ATP6V0A4: variants seen among roughly 807,000 people sequenced by gnomAD.
The protein encoded by ATP6V0A4 is ATPase H+ transporting V0 subunit a4, also known as V-type proton ATPase 116 kDa subunit a 4.
ATP6V0A4 carries 86 observed loss-of-function variants against 107.3 expected under a neutral mutation model. That is an observed-to-expected ratio of 0.80 (90% CI 0.67 to 0.96). The LOEUF is 0.96. Ranked by LOEUF, ATP6V0A4 falls within the 40% of genes least tolerant of loss-of-function variation. ATP6V0A4 has a pLI of 0.00. For synonymous variants in ATP6V0A4, 353 were observed against 381.4 expected, an observed-to-expected ratio of 0.93 and a Z score of 0.87; for missense variants, 908 against 1,045.6, an observed-to-expected ratio of 0.87 and a Z score of 1.81.
At chr7:138,751,392 G>A (rs773576578) in intron 11 of ATP6V0A4, among the ~76,000 whole-genome samples, 4 of 152,188 alleles carry the variant, frequency 2.6e-5, no homozygotes, top group Admixed American at 6.5e-5. Context: ...TGTCAAGCCC[G>A]TCTGTCCAGT....
At chr7:138,745,618 A>G (rs997913957) in intron 13 of ATP6V0A4, among the ~76,000 whole-genome samples, 2 of 139,210 alleles carry the variant, frequency 1.4e-5, no homozygotes, top group African/African-American at 5.4e-5. Context: ...TGGAGGCTGC[A>G]GTGAGCCAAG....
intron 17 of ATP6V0A4, among the ~76,000 whole-genome samples, chr7:138,730,386 G>GTGTGTA (rs1194328965): frequency 1.3e-4 from 20 of 149,476 alleles, no homozygotes; most frequent in African/African-American, 2.0e-4. Context: ...GTGTGTGTGT[G>GTGTGTA]GCTATCCTTT....
intron 12 of ATP6V0A4, among the ~76,000 whole-genome samples, chr7:138,748,199 T>C (rs1287426078): frequency 2.0e-5 from 3 of 151,758 alleles, no homozygotes; most frequent in Non-Finnish European, 2.9e-5. Context: ...CTCTAGGTGC[T>C]TTCTATACTC....
intron 18 of ATP6V0A4, among the ~76,000 whole-genome samples, chr7:138,726,430 G>A (rs1804729703): frequency 6.6e-6 from 1 of 152,240 alleles, no homozygotes; most frequent in South Asian, 2.1e-4. Flanking sequence ...GCTCTCGGAA[G>A]GAGATGTGTA....
chr7:138,714,176 T>A (rs1165221087), intron 20 of ATP6V0A4, among the ~76,000 whole-genome samples: 33 of 148,074 alleles, frequency 2.2e-4, no homozygotes, highest in Non-Finnish European at 4.2e-4. Flanking sequence ...AGCCTGGGAG[T>A]TCGAGGCCGT....
intron 14 of ATP6V0A4, among the ~76,000 whole-genome samples, chr7:138,740,424 CTTTTT>C (rs1288644564): frequency 1.6e-5 from 2 of 128,976 alleles, no homozygotes; most frequent in African/African-American, 2.9e-5. Context: ...GAAGAAATTT[CTTTTT>C]TTTTTTTTTT....
chr7:138,760,662 C>T (rs1806766118), intron 7 of ATP6V0A4, among the ~76,000 whole-genome samples: 1 of 152,292 alleles, frequency 6.6e-6, no homozygotes, highest in South Asian at 2.1e-4. Context: ...GTGACTTTCA[C>T]TGGCTTATTA....
chr7:138,742,167 C>T (rs1431429642), intron 14 of ATP6V0A4, among the ~76,000 whole-genome samples: 1 of 152,144 alleles, frequency 6.6e-6, no homozygotes, highest in African/African-American at 2.4e-5. Flanking sequence ...TGGCTCACAC[C>T]TGTAATCCCA....
Position 138,734,180 on chromosome 7 carries a change from A to G in ATP6V0A4, c.1647T>C (p.Ile549=). The change falls in exon 16 of 22, where the codon ATT becomes ATC. Residue 549 remains isoleucine, a synonymous_variant. Coordinates refer to ENST00000310018, the MANE Select transcript of ATP6V0A4 (RefSeq NM_020632.3). ...YKMKMSVILG[I]VQMVFGVILS... ...GGATGACACCGAAAACCATCTGGAC[A>G]ATTCCCAGGATCACCGACATCTTCA... 1 of 1,613,804 alleles carries G rather than the reference A, an allele frequency of 6.2e-7. No individual in the cohort carries two copies. The highest frequency in any genetic ancestry group is 8.5e-7 in the Non-Finnish European group (1 of 1,179,778).
chr7:138,738,466 G>T (rs1351829783), intron 15 of ATP6V0A4, among the ~76,000 whole-genome samples: 1 of 152,176 alleles, frequency 6.6e-6, no homozygotes, highest in Non-Finnish European at 1.5e-5. Flanking sequence ...TCCCCGTCTA[G>T]ATTCCTTCTC....
rs2117343937 is a variant in ATP6V0A4 at position 138,773,641 on chromosome 7, A to G, written c.-17-2377T>C. ...CCCATGTATAGACCAGAGGATAAAC[A>G]TCATCCCTCAGGAAGTGCACATGGT... On this transcript the variant is annotated intron_variant, in intron 2 of 21. Transcript: ENST00000310018. This position sits in a 1 kb window ranked among gnomAD's most constrained non-coding sequence, Gnocchi z 5.4. Among the ~76,000 whole-genome samples, 2 of 152,348 alleles carry G rather than the reference A, an allele frequency of 1.3e-5. No individual in the cohort carries two copies. Among genetic ancestry groups the G allele is most frequent in the Non-Finnish European group, 2.9e-5 (2 of 68,038 alleles).
intron 2 of ATP6V0A4, among the ~76,000 whole-genome samples, chr7:138,775,272 TC>T (rs1454073030): frequency 3.3e-5 from 5 of 151,974 alleles, no homozygotes; most frequent in Admixed American, 1.3e-4. Context: ...CCACTTCCCC[TC>T]CCCACCTCTG....
chr7:138,732,444 C>A (rs1229842882), intron 17 of ATP6V0A4, among the ~76,000 whole-genome samples: 1 of 152,098 alleles, frequency 6.6e-6, no homozygotes, highest in East Asian at 1.9e-4. Flanking sequence ...GTAACACCCT[C>A]CACTGGATGC....
At chr7:138,748,055 C>T (rs1806044302) in intron 12 of ATP6V0A4, among the ~76,000 whole-genome samples, 1 of 152,044 alleles carries the variant, frequency 6.6e-6, no homozygotes, top group Non-Finnish European at 1.5e-5. Flanking sequence ...TGTGCCCAGC[C>T]TATGAGTAGG....
At chr7:138,729,344 A>T (rs75165791) in intron 17 of ATP6V0A4, among the ~76,000 whole-genome samples, 5,890 of 152,250 alleles carry the variant, frequency 0.039, 379 homozygotes, top group African/African-American at 0.13. Context: ...GAGTCCTAGA[A>T]AATTATCTGA....
intron 3 of ATP6V0A4, 194 bp from the exon 4 acceptor site, chr7:138,769,445 A>G (rs1223018047): frequency 4.1e-6 from 2 of 485,404 alleles, no homozygotes; most frequent in African/African-American, 4.2e-5. Context: ...CTCCCAAGTA[A>G]CTGGGATTAC....
At position 138,774,405 on chromosome 7, in the gene ATP6V0A4, C is replaced by G. The variant is rs542326316; in HGVS notation, c.-17-3141G>C. Among the ~76,000 whole-genome samples the G allele has an allele frequency of 6.6e-5, 10 of 151,926 alleles. No individual in the cohort carries two copies. In the South Asian group the frequency reaches 2.1e-3, roughly 32 times the overall value. On this transcript the variant is annotated intron_variant, in intron 2 of 21. Coordinates refer to ENST00000310018, the MANE Select transcript of ATP6V0A4 (RefSeq NM_020632.3). ...ACTAGCCTGGCCAACATGGTGAAATCCTGTCTCTACTAAAAATACGAAAAA... is the reference window on the plus strand; with the variant it reads ...ACTAGCCTGGCCAACATGGTGAAATGCTGTCTCTACTAAAAATACGAAAAA...
At chr7:138,745,433 G>A (rs978661972) in intron 13 of ATP6V0A4, 153 bp from the exon 14 acceptor site, 2 of 540,568 alleles carry the variant, frequency 3.7e-6, no homozygotes, top group African/African-American at 4.1e-5. Flanking sequence ...CAGACAGGAA[G>A]AGCACACACA....
chr7:138,762,352 G>A lies in ATP6V0A4; in HGVS notation c.500C>T (p.Thr167Ile), dbSNP rs748107055. The change falls in exon 7 of 22, where the codon ACC becomes ATC. Residue 167 changes from threonine (T) to isoleucine (I), a missense_variant. Coordinates refer to ENST00000310018, the MANE Select transcript of ATP6V0A4 (RefSeq NM_020632.3). ...LELKAVPAYM[T>I]GKLGFIAGVI... The stretch of plus-strand genomic sequence containing the variant: ...GAATTACACTAACCCCAACTTTCCG[G>A]TCATATATGCAGGCACTGCTTTCAA... 2 of 1,614,128 alleles carry A rather than the reference G, an allele frequency of 1.2e-6. No individual in the cohort carries two copies.
Sources: gnomAD v4.1 joint callset for allele counts (sites outside exome capture counted in the v4.1 genomes callset) on GRCh38, gnomAD v4.1.1 for gene constraint, Gnocchi (gnomAD v3.1) non-coding constraint, MANE v1.5 for transcripts, NCBI Gene and HGNC (gene_info 2026-07-23, HGNC 2026-07-21) for gene names.